The following DSC3 variants were observed in gnomAD, a reference collection of about 807,000 sequenced individuals.
The protein encoded by DSC3 is desmocollin 3.
A neutral mutation model predicts 89.5 loss-of-function variants in DSC3; 97 were observed. The observed-to-expected ratio is 1.08, with a 90% CI of 0.92 to 1.28. The LOEUF is 1.28. DSC3 is among the 50% of genes most tolerant of loss of function. The pLI is 0.00. For synonymous variants in DSC3, 436 were observed against 384.1 expected (o/e 1.14, Z -1.58); for missense variants, 1,199 against 1,085.3 (o/e 1.10, Z -1.47).
intron 9 of DSC3, among the ~76,000 whole-genome samples, chr18:31,015,650 A>G (rs747956703): frequency 6.6e-5 from 10 of 152,210 alleles, no homozygotes; most frequent in Admixed American, 3.3e-4. Flanking sequence ...CTCCACATGG[A>G]TCTTGAATAA....
At chr18:31,021,446 A>G (rs967212626) in intron 7 of DSC3, among the ~76,000 whole-genome samples, 1 of 152,060 alleles carries the variant, frequency 6.6e-6, no homozygotes, top group African/African-American at 2.4e-5. Context: ...GACAATTAAA[A>G]CGTTTGTACT....
chr18:30,996,705 A>T, intron 15 of DSC3, 86 bp downstream of exon 15: 1 of 1,548,890 alleles, frequency 6.5e-7, no homozygotes, highest in Non-Finnish European at 8.8e-7. Flanking sequence ...ACAGAAAAAT[A>T]CAGAAAATAT....
intron 14 of DSC3, among the ~76,000 whole-genome samples, chr18:31,001,231 T>A (rs1984649119): frequency 6.6e-6 from 1 of 151,512 alleles, no homozygotes; most frequent in Non-Finnish European, 1.5e-5. Flanking sequence ...ATCTCATTGA[T>A]ATTTTCCTAG....
intron 7 of DSC3, among the ~76,000 whole-genome samples, chr18:31,021,515 C>T (rs972473183): frequency 2.6e-5 from 4 of 152,158 alleles, no homozygotes; most frequent in Non-Finnish European, 5.9e-5. Flanking sequence ...GGCATCAAAT[C>T]CCATTGATTT....
chr18:31,024,458 T>C lies in DSC3; in HGVS notation c.666A>G (p.Ser222=), dbSNP rs1027000152. The C allele has an allele frequency of 2.5e-6, 4 of 1,612,712 alleles. No homozygotes were observed. The highest frequency in any genetic ancestry group is 3.4e-6 in the Non-Finnish European group (4 of 1,179,364). Residue 222 remains serine (S), a synonymous_variant, in exon 6 of 16, where the codon TCA becomes TCG. Transcript: ENST00000360428. ...IAYASTADGY[S]ADLPLPLPIR... ...TGGGTAGTGGGAGGGGCAGATCTGC[T>C]GAATATCCATCTGCAGTTGACGCAT...
rs1984383195 is a variant in DSC3, at chr18:30,994,356, T to G, written c.2510A>C (p.Asn837Thr). Residue 837 changes from asparagine (N) to threonine (T), a missense_variant, in exon 16 of 16, where the codon AAT becomes ACT. By Grantham distance (65) the Asn-to-Thr change is moderately conservative (BLOSUM62 0). Coordinates refer to ENST00000360428, the MANE Select transcript of DSC3 (RefSeq NM_001941.5). The stretch of plus-strand genomic sequence containing the variant: ...GGATGGCATGCGGTCTTCATTCTGA[T>G]TACATCGATGCAATTTCTGTAAAAT... Reference protein sequence around the residue: ...PRLGEKLHRCNQNEDRMPSQD... With the variant: ...PRLGEKLHRCTQNEDRMPSQD... 1 of 1,613,838 alleles carries G rather than the reference T, an allele frequency of 6.2e-7. No homozygotes were observed. The highest frequency in any genetic ancestry group is 8.5e-7 in the Non-Finnish European group (1 of 1,179,934).
chr18:31,005,323 T>C (rs978689518), intron 12 of DSC3, among the ~76,000 whole-genome samples: 1 of 152,216 alleles, frequency 6.6e-6, no homozygotes, highest in African/African-American at 2.4e-5. Context: ...TTATTCACAG[T>C]AGTGCATTGG....
rs1984302198 is a variant in DSC3, at chr18:30,992,513, G to C, written c.*1662C>G. On this transcript the variant is annotated 3_prime_UTR_variant, in exon 16 of 16. Coordinates refer to ENST00000360428, the MANE Select transcript of DSC3 (RefSeq NM_001941.5). ...CTCAAATGGCAGTTGCCATTGGCCT[G>C]AGAAAGGAAAAGGCAGTGCCAAGCC... is the stretch of plus-strand genomic sequence containing the variant. The C allele has an allele frequency of 6.6e-6, 1 of 152,236 alleles. No homozygotes were observed. The allele number at this position is 152,236 out of a possible 1,614,324, so 9.4% of individuals were successfully genotyped here.
At chr18:31,009,273 G>A (rs962816956) in intron 9 of DSC3, among the ~76,000 whole-genome samples, 3 of 151,642 alleles carry the variant, frequency 2.0e-5, no homozygotes, top group South Asian at 2.1e-4. Context: ...GGCTGGTCTC[G>A]AACTCCTGAA....
intron 9 of DSC3, among the ~76,000 whole-genome samples, chr18:31,008,874 C>T (rs541562592): frequency 6.6e-6 from 1 of 152,242 alleles, no homozygotes; most frequent in South Asian, 2.1e-4. Context: ...ACAGGCTGGG[C>T]TAACGGTCAT....
rs1196821827 is a variant in DSC3 at position 30,993,484 on chromosome 18, C to CT, written c.*690dup. 1 of 152,204 alleles carries CT rather than the reference C, an allele frequency of 6.6e-6. No individual in the cohort carries two copies. Among genetic ancestry groups the CT allele is most frequent in the Non-Finnish European group, 1.5e-5 (1 of 68,044 alleles). 9.4% of individuals were successfully genotyped at this position (152,204 alleles called of 1,614,324 possible). ...AGAGCCCAGGCCTAGGAAGCTCTCT[C>CT]TTTTTTCTATTGTAGGACAAACTAT... is the stretch of plus-strand genomic sequence containing the variant. On this transcript the variant is annotated 3_prime_UTR_variant, in exon 16 of 16. Coordinates refer to ENST00000360428, the MANE Select transcript of DSC3 (RefSeq NM_001941.5).
In DSC3 at chr18:31,029,621, T is replaced by G. The variant is rs1407414356; in HGVS notation, c.362A>C (p.Lys121Thr). The change falls in exon 4 of 16, where the codon AAG (lysine) becomes ACG (threonine). Residue 121 changes from lysine to threonine, a missense_variant. Lys to Thr is a moderately conservative substitution (Grantham distance 78). Coordinates refer to ENST00000360428, the MANE Select transcript of DSC3 (RefSeq NM_001941.5). ...VLLEHQKKVS[K>T]TRHTRETVLR... ...AACAGTTTCTCTAGTGTGTCTTGTC[T>G]TCGATACCTGAATTTAGAGAAAAAC... 1 of 1,613,772 alleles carries G rather than the reference T, an allele frequency of 6.2e-7. No homozygotes were observed. The highest frequency in any genetic ancestry group is 1.3e-5 in the African/African-American group (1 of 75,052).
intron 1 of DSC3, among the ~76,000 whole-genome samples, chr18:31,040,414 G>A (rs1283537144): frequency 1.3e-5 from 2 of 152,140 alleles, no homozygotes; most frequent in Admixed American, 6.5e-5. Context: ...TACATTAAGA[G>A]GAAAAAACAC....
Position 31,032,191 on chromosome 18 carries a change from C to A in DSC3, c.154+1G>T. The A allele has an allele frequency of 6.2e-7, 1 of 1,608,862 alleles. No individual in the cohort carries two copies. Among genetic ancestry groups the A allele is most frequent in the Non-Finnish European group, 8.5e-7 (1 of 1,175,252 alleles). ...TTAAAAAGACTTTTAAAATTTCTCA[C>A]CTCTGCCAATTATTTTGTCTGCCTC... On this transcript the variant is annotated splice_donor_variant, in intron 2 of 15. Transcript: ENST00000360428. LOFTEE classifies it high-confidence loss of function.
intron 9 of DSC3, among the ~76,000 whole-genome samples, chr18:31,010,566 A>G (rs1314625): frequency 0.28 from 42,378 of 152,140 alleles, 6,404 homozygotes; most frequent in East Asian, 0.59. Context: ...AGTTAATCTC[A>G]TTAATTAATA....
chr18:31,026,045 TAACC>T, intron 4 of DSC3, 130 bp from the exon 5 acceptor site: 1 of 952,596 alleles, frequency 1.0e-6, no homozygotes, highest in Non-Finnish European at 1.6e-6. Flanking sequence ...AGAACAATAA[TAACC>T]ATTGTTGGCA....
At chr18:31,005,926 T>C (rs1314736303) in intron 12 of DSC3, among the ~76,000 whole-genome samples, 2 of 152,146 alleles carry the variant, frequency 1.3e-5, no homozygotes, top group Non-Finnish European at 2.9e-5. Context: ...GAGTGCTTAA[T>C]AGATAGTAGA....
chr18:31,017,260 A>G (rs1158630759), intron 9 of DSC3, among the ~76,000 whole-genome samples: 1 of 152,230 alleles, frequency 6.6e-6, no homozygotes, highest in African/African-American at 2.4e-5. Context: ...CAGAGGAAAT[A>G]ATTGCAAATA....
intron 8 of DSC3, 149 bp from the exon 9 acceptor site, chr18:31,018,405 G>C: frequency 2.6e-6 from 2 of 755,792 alleles, no homozygotes; most frequent in Non-Finnish European, 4.1e-6. Flanking sequence ...GTTTCATTAA[G>C]GGTTATCTTT....
Sources: allele counts gnomAD v4.1 joint callset (sites outside exome capture counted in the v4.1 genomes callset), GRCh38; gene constraint gnomAD v4.1.1; transcripts MANE v1.5; gene names NCBI Gene and HGNC (gene_info 2026-07-23, HGNC 2026-07-21).